The following HOATZ variants were observed in gnomAD, a reference collection of about 807,000 sequenced individuals.
HOATZ encodes the protein cilia- and flagella-associated protein HOATZ.
Under a neutral mutation model 24.9 loss-of-function variants are expected in HOATZ, and 26 were observed. The ratio of observed to expected loss-of-function variants is 1.04; its 90% CI spans 0.76 to 1.45. The LOEUF is 1.45. HOATZ is among the 40% of genes most tolerant of loss of function. The pLI, the probability that HOATZ is intolerant of heterozygous loss-of-function variation, is 0.00. For synonymous variants in HOATZ, 83 were observed against 76.6 expected, an observed-to-expected ratio of 1.08 and a Z score of -0.43; for missense variants, 226 against 201.5, an observed-to-expected ratio of 1.12 and a Z score of -0.74.
chr11:111,535,134 T>G (rs1867436295), intron 5 of HOATZ: 1 of 152,200 alleles, frequency 6.6e-6, no homozygotes, highest in Admixed American at 6.5e-5. Context: ...GTGATAGAAT[T>G]TTGATTTTTC....
intron 3 of HOATZ, among the ~76,000 whole-genome samples, chr11:111,520,376 T>G (rs1437686158): frequency 3.3e-5 from 5 of 152,214 alleles, no homozygotes; most frequent in Non-Finnish European, 5.9e-5. Flanking sequence ...ATGATCTGTA[T>G]TCAAAGTTTT....
intron 2 of HOATZ, 65 bp downstream of exon 2, chr11:111,515,617 A>T (rs1466095924): frequency 1.5e-6 from 2 of 1,319,838 alleles, no homozygotes; most frequent in African/African-American, 2.9e-5. Flanking sequence ...ATAGACAATA[A>T]GTACAAGGGT....
At chr11:111,526,959 CAT>C (rs1487647844) in intron 3 of HOATZ, among the ~76,000 whole-genome samples, 4 of 152,186 alleles carry the variant, frequency 2.6e-5, no homozygotes, top group African/African-American at 9.7e-5. Context: ...TCATCAATAA[CAT>C]ATAATTCAAT....
intron 3 of HOATZ, among the ~76,000 whole-genome samples, chr11:111,516,665 T>A (rs1867208312): frequency 6.6e-6 from 1 of 152,142 alleles, no homozygotes; most frequent in African/African-American, 2.4e-5. Flanking sequence ...TGCAATGAGC[T>A]ATGATCTCAC....
Position 111,534,456 on chromosome 11 carries a change from C to T in HOATZ, c.444C>T (p.His148=), listed in dbSNP as rs1158975203. The part of the protein sequence containing the change: ...SLPYKPKAKE[H]KAKKVVSESD... ...CGTATAAACCAAAAGCCAAAGAACACAAAGCAAAGTAAGTTTACCTATGTC... is the reference window on the plus strand; with the variant it reads ...CGTATAAACCAAAAGCCAAAGAACATAAAGCAAAGTAAGTTTACCTATGTC... The change falls in exon 5 of 6, where the codon CAC becomes CAT. Residue 148 remains histidine, a synonymous_variant. Coordinates refer to ENST00000375618, the MANE Select transcript of HOATZ (RefSeq NM_001100388.2). 1 of 1,608,668 alleles carries T rather than the reference C, an allele frequency of 6.2e-7. No individual in the cohort carries two copies. The highest frequency in any genetic ancestry group is 2.2e-5 in the East Asian group (1 of 44,846).
chr11:111,517,250 C>G (rs992864535), intron 3 of HOATZ, among the ~76,000 whole-genome samples: 4 of 152,038 alleles, frequency 2.6e-5, no homozygotes, highest in Non-Finnish European at 5.9e-5. Flanking sequence ...TATATCCAGA[C>G]TTTTTAGGGA....
At position 111,514,942 on chromosome 11, in the gene HOATZ, A is replaced by T. The variant is rs1282898335; in HGVS notation, c.158A>T (p.Gln53Leu). ...SASMYPPSES[Q>L]LVLRRDSSQR... Reference sequence around the variant, plus strand: ...TCGATGTATCCCCCTAGCGAATCTCAGCTGGTGCTGCGCAGAGACAGCAGT... The same window carrying T: ...TCGATGTATCCCCCTAGCGAATCTCTGCTGGTGCTGCGCAGAGACAGCAGT... The change falls in exon 1 of 6, where the codon CAG becomes CTG. Residue 53 changes from glutamine (Q) to leucine (L), a missense_variant. Gln to Leu is a moderately radical substitution (Grantham distance 113). Coordinates refer to ENST00000375618, the MANE Select transcript of HOATZ (RefSeq NM_001100388.2). 1.9e-6 allele frequency: 3 copies of T among 1,613,938 alleles called. No individual in the cohort carries two copies. The highest frequency in any genetic ancestry group is 2.5e-6 in the Non-Finnish European group (3 of 1,179,946).
intron 3 of HOATZ, among the ~76,000 whole-genome samples, chr11:111,523,000 G>A (rs1401426072): frequency 1.3e-5 from 2 of 152,080 alleles, no homozygotes; most frequent in African/African-American, 2.4e-5. Context: ...TAGGAGAATC[G>A]CTTGAGCCTG....
rs555879809 is a variant in HOATZ, at chr11:111,515,832, G to A, written c.269-208G>A. Among the ~76,000 whole-genome samples the A allele has an allele frequency of 2.6e-5, 4 of 152,328 alleles. No individual in the cohort carries two copies. The South Asian group carries it at 8.3e-4, about 32-fold the overall frequency. The stretch of plus-strand genomic sequence containing the variant: ...CTCGAGCTTACTCATCATCTAAAGA[G>A]ATTAGAGGTTCCCTGCAGCCATAGC... On this transcript the variant is annotated intron_variant, in intron 2 of 5. Coordinates refer to ENST00000375618, the MANE Select transcript of HOATZ (RefSeq NM_001100388.2).
chr11:111,521,081 C>A (rs916168911), intron 3 of HOATZ, among the ~76,000 whole-genome samples: 2 of 152,020 alleles, frequency 1.3e-5, no homozygotes, highest in African/African-American at 4.8e-5. Flanking sequence ...ATGCTGCAGC[C>A]ATTTTGAACC....
intron 3 of HOATZ, among the ~76,000 whole-genome samples, chr11:111,523,052 C>T (rs1021098628): frequency 6.6e-6 from 1 of 152,080 alleles, no homozygotes; most frequent in Non-Finnish European, 1.5e-5. Context: ...GCCATTTAGC[C>T]TGGGCAACAA....
intron 3 of HOATZ, among the ~76,000 whole-genome samples, chr11:111,522,727 T>C (rs746474151): frequency 5.3e-5 from 8 of 152,190 alleles, no homozygotes; most frequent in Non-Finnish European, 1.0e-4. Context: ...GGATTCCTTA[T>C]GTGCAAATTT....
rs372731695 is a variant in HOATZ at position 111,514,800 on chromosome 11, A to G, written c.16A>G (p.Ser6Gly). ...CTCAGTTGCCATGGAAACGGGACCCAGCGAAGAACCTAGCGGCCGAAAAGA... is the reference window on the plus strand; with the variant it reads ...CTCAGTTGCCATGGAAACGGGACCCGGCGAAGAACCTAGCGGCCGAAAAGA... METGPSEEPSGRKESQ... is the reference protein window; with the variant it reads METGPGEEPSGRKESQ... Residue 6 changes from serine to glycine, a missense_variant, in exon 1 of 6, where the codon AGC becomes GGC. Transcript: ENST00000375618. 14 of 1,613,970 alleles carry G rather than the reference A, an allele frequency of 8.7e-6. No homozygotes were observed. The East Asian group carries it at 2.0e-4, about 23-fold the overall frequency.
chr11:111,520,815 G>T (rs1163285790), intron 3 of HOATZ, among the ~76,000 whole-genome samples: 1 of 152,190 alleles, frequency 6.6e-6, no homozygotes, highest in Non-Finnish European at 1.5e-5. Context: ...GACACTACAT[G>T]CCTGTTAGTG....
rs1399152048 is a variant in HOATZ, at chr11:111,514,884, G to A, written c.100G>A (p.Ala34Thr). The A allele has an allele frequency of 2.5e-6, 4 of 1,614,126 alleles. No homozygotes were observed. In the Admixed American group the frequency reaches 6.7e-5, roughly 27 times the overall value. Reference sequence around the variant, plus strand: ...ATTTGCTGGCTCCTCGGAACAAGATGCCAACTTGGCTAAGCAGTTCTGGAT... The same window carrying A: ...ATTTGCTGGCTCCTCGGAACAAGATACCAACTTGGCTAAGCAGTTCTGGAT... ...LVFAGSSEQD[A>T]NLAKQFWISA... Residue 34 changes from alanine (A) to threonine (T), a missense_variant, in exon 1 of 6, where the codon GCC becomes ACC. By Grantham distance (58) the Ala-to-Thr change is moderately conservative. Transcript: ENST00000375618.
intron 3 of HOATZ, among the ~76,000 whole-genome samples, chr11:111,532,763 G>A (rs1867407743): frequency 6.6e-6 from 1 of 152,138 alleles, no homozygotes; most frequent in African/African-American, 2.4e-5. Context: ...ATCTGCACCT[G>A]GCTATGACAA....
chr11:111,526,169 C>T (rs1285077773), intron 3 of HOATZ, among the ~76,000 whole-genome samples: 1 of 152,148 alleles, frequency 6.6e-6, no homozygotes, highest in East Asian at 1.9e-4. Flanking sequence ...AGGCACCGCA[C>T]ATGTCAAAAG....
At chr11:111,523,054 G>A (rs1338783525) in intron 3 of HOATZ, among the ~76,000 whole-genome samples, 6 of 152,108 alleles carry the variant, frequency 3.9e-5, no homozygotes, top group African/African-American at 1.4e-4. Context: ...CATTTAGCCT[G>A]GGCAACAAGA....
intron 3 of HOATZ, among the ~76,000 whole-genome samples, chr11:111,523,587 T>G (rs931379862): frequency 1.3e-5 from 2 of 152,272 alleles, no homozygotes; most frequent in East Asian, 3.9e-4. Flanking sequence ...ACTGGTTGAA[T>G]CACAGTTTAA....
Sources: allele counts gnomAD v4.1 joint callset (sites outside exome capture counted in the v4.1 genomes callset), GRCh38; gene constraint gnomAD v4.1.1; transcripts MANE v1.5; gene names NCBI Gene and HGNC (gene_info 2026-07-23, HGNC 2026-07-21).